The following SHANK2 variants were observed in gnomAD, a reference collection of about 807,000 sequenced individuals.
SHANK2 encodes SH3 and multiple ankyrin repeat domains 2.
In SHANK2, 43 loss-of-function variants were observed where a neutral mutation model predicts 133.7. The ratio of observed to expected loss-of-function variants is 0.32; its 90% confidence interval spans 0.25 to 0.41. The LOEUF is 0.41. SHANK2 is among the 10% of genes least tolerant of loss of function. The pLI is 1.00. For synonymous variants in SHANK2, 1,017 were observed against 952.8 expected, an observed-to-expected ratio of 1.07 and a Z score of -1.24; for missense variants, 1,994 against 2,235.8, an observed-to-expected ratio of 0.89 and a Z score of 2.18.
At chr11:70,563,080 A>G (rs1330103330) in intron 17 of SHANK2, among the ~76,000 whole-genome samples, 1 of 152,160 alleles carries the variant, frequency 6.6e-6, no homozygotes, top group African/African-American at 2.4e-5. Flanking sequence ...CATGTTGGCC[A>G]GCATGGTCTC....
chr11:71,161,974 G>A (rs1565487594), intron 2 of SHANK2, among the ~76,000 whole-genome samples: 1 of 152,202 alleles, frequency 6.6e-6, no homozygotes, highest in Non-Finnish European at 1.5e-5. Flanking sequence ...AAATCTGGTA[G>A]ACAGTGTGGA....
Position 70,807,430 on chromosome 11 carries a change from C to A in SHANK2, c.1494-259G>T, listed in dbSNP as rs1298706447. 6.6e-6 allele frequency among the ~76,000 whole-genome samples: 1 copy of A among 152,214 alleles called. No individual in the cohort carries two copies. Among genetic ancestry groups the A allele is most frequent in the African/African-American group, 2.4e-5 (1 of 41,466 alleles). On this transcript the variant is annotated intron_variant, in intron 12 of 25. Coordinates refer to ENST00000601538, the MANE Select transcript of SHANK2 (RefSeq NM_012309.5). This position sits in a 1 kb window ranked among gnomAD's most constrained non-coding sequence, Gnocchi z 4.8. ...ACTCGGGGAGACGTCTGCACACCTG[C>A]GTTCACAGTGGCACCGTTCACAGCA...
chr11:70,620,401 A>G (rs2136448392), intron 17 of SHANK2, among the ~76,000 whole-genome samples: 1 of 152,314 alleles, frequency 6.6e-6, no homozygotes, highest in South Asian at 2.1e-4. Context: ...GTGGCTGTCC[A>G]TGAAGTACTT....
chr11:70,746,707 C>A (rs782340810), intron 14 of SHANK2, among the ~76,000 whole-genome samples: 1 of 152,154 alleles, frequency 6.6e-6, no homozygotes, highest in Non-Finnish European at 1.5e-5. Flanking sequence ...TCTTGTTGCT[C>A]CCCTTTGGTC....
At chr11:70,712,979 G>A (rs1555026506) in intron 14 of SHANK2, among the ~76,000 whole-genome samples, 1 of 152,232 alleles carries the variant, frequency 6.6e-6, no homozygotes, top group Non-Finnish European at 1.5e-5. Context: ...CTCTTTGCTC[G>A]ATGCTGGGAA....
chr11:70,569,743 A>G lies in SHANK2; in HGVS notation c.2062-66812T>C, dbSNP rs2060020137. Among the ~76,000 whole-genome samples, 1 of 151,912 alleles carries G rather than the reference A, an allele frequency of 6.6e-6. No individual in the cohort carries two copies. Among genetic ancestry groups the G allele is most frequent in the Non-Finnish European group, 1.5e-5 (1 of 67,990 alleles). ...AATCCTGCCTGGGTTTTTCCTCTACATCTACTGGGGAAGATGCTCTCCTGT... is the reference window on the plus strand; with the variant it reads ...AATCCTGCCTGGGTTTTTCCTCTACGTCTACTGGGGAAGATGCTCTCCTGT... On this transcript the variant is annotated intron_variant, in intron 17 of 25. Coordinates refer to ENST00000601538, the MANE Select transcript of SHANK2 (RefSeq NM_012309.5). The surrounding 1 kb of genome is among the most constrained non-coding windows in gnomAD (Gnocchi z 5.1).
intron 11 of SHANK2, among the ~76,000 whole-genome samples, chr11:70,860,892 T>C (rs1174972223): frequency 6.6e-6 from 1 of 152,058 alleles, no homozygotes; most frequent in African/African-American, 2.4e-5. Flanking sequence ...TAAAAGAAAA[T>C]GTGTATGTGA....
At chr11:70,919,966 A>G (rs1291992239) in intron 10 of SHANK2, among the ~76,000 whole-genome samples, 3 of 152,214 alleles carry the variant, frequency 2.0e-5, no homozygotes, top group Admixed American at 6.5e-5. Flanking sequence ...CCAAAGCTGC[A>G]GAGACATAGC....
At chr11:71,109,412 G>A (rs1951854766) in intron 6 of SHANK2, among the ~76,000 whole-genome samples, 5 of 152,192 alleles carry the variant, frequency 3.3e-5, no homozygotes, top group Admixed American at 3.3e-4. Context: ...ACATAGGATG[G>A]CCGCGCTGCA....
At position 70,938,717 on chromosome 11, in the gene SHANK2, T is replaced by C. The variant is rs529935008; in HGVS notation, c.1108-42150A>G. On this transcript the variant is annotated intron_variant, in intron 10 of 25. Transcript: ENST00000601538. ...GACAGGGAGAGGGAAGCCCAGGAGCTGAGGAGGAGGAGGAGAGTTCCAGGC... is the reference window on the plus strand; with the variant it reads ...GACAGGGAGAGGGAAGCCCAGGAGCCGAGGAGGAGGAGGAGAGTTCCAGGC... 1.1e-4 allele frequency among the ~76,000 whole-genome samples: 16 copies of C among 151,792 alleles called. 1 individual carries two copies. The highest frequency in any genetic ancestry group is 1.0e-3 in the Admixed American group (16 of 15,254).
In SHANK2 at chr11:70,701,580, T is replaced by C. The variant is rs528182842; in HGVS notation, c.1778-2817A>G. ...CACGCCCAGCTAATTTTTATATTTTTTTTTTCGTAGAGACGGGGTTTCACC... is the reference window on the plus strand; with the variant it reads ...CACGCCCAGCTAATTTTTATATTTTCTTTTTCGTAGAGACGGGGTTTCACC... On this transcript the variant is annotated intron_variant, in intron 14 of 25. Coordinates refer to ENST00000601538, the MANE Select transcript of SHANK2 (RefSeq NM_012309.5). Among the ~76,000 whole-genome samples the C allele has an allele frequency of 2.2e-4, 33 of 152,112 alleles. No individual in the cohort carries two copies. The East Asian group carries it at 5.6e-3, about 26-fold the overall frequency.
intron 14 of SHANK2, among the ~76,000 whole-genome samples, chr11:70,740,101 CTCCG>C (rs1946489927): frequency 6.6e-6 from 1 of 150,554 alleles, no homozygotes; most frequent in Non-Finnish European, 1.5e-5. Flanking sequence ...GTGCTCATGG[CTCCG>C]TCCACAGCAC....
At chr11:71,151,613 G>A in intron 2 of SHANK2, among the ~76,000 whole-genome samples, 1 of 151,986 alleles carries the variant, frequency 6.6e-6, no homozygotes, top group East Asian at 1.9e-4. Flanking sequence ...CAGAGCTCAT[G>A]TCACTCATTA....
intron 2 of SHANK2, among the ~76,000 whole-genome samples, chr11:71,222,053 C>T (rs1954552092): frequency 6.6e-6 from 1 of 152,078 alleles, no homozygotes; most frequent in East Asian, 1.9e-4. Flanking sequence ...GATTCTGGCT[C>T]ACCCTTCCCT....
intron 14 of SHANK2, among the ~76,000 whole-genome samples, chr11:70,750,853 A>C (rs1555037330): frequency 6.6e-6 from 1 of 152,228 alleles, no homozygotes; most frequent in Non-Finnish European, 1.5e-5. Flanking sequence ...GAAACCATGC[A>C]TAAAAGTTCT....
chr11:70,592,751 T>G (rs1020796611), intron 17 of SHANK2, among the ~76,000 whole-genome samples: 6 of 152,108 alleles, frequency 3.9e-5, no homozygotes, highest in Non-Finnish European at 8.8e-5. Context: ...CGTCTGCCCT[T>G]TTGCTATGGC....
At chr11:70,781,042 T>C (rs957337294) in intron 14 of SHANK2, among the ~76,000 whole-genome samples, 1 of 152,202 alleles carries the variant, frequency 6.6e-6, no homozygotes, top group East Asian at 1.9e-4. Flanking sequence ...CTTCTCTGGA[T>C]GGTGTTTGTG....
At chr11:71,219,000 G>A (rs1484668977) in intron 2 of SHANK2, among the ~76,000 whole-genome samples, 5 of 152,160 alleles carry the variant, frequency 3.3e-5, no homozygotes, top group South Asian at 2.1e-4. Context: ...CACAGACATC[G>A]CAGAAGAATG....
chr11:70,684,525 G>T (rs1167807696), intron 15 of SHANK2, among the ~76,000 whole-genome samples: 1 of 152,092 alleles, frequency 6.6e-6, no homozygotes, highest in Non-Finnish European at 1.5e-5. Flanking sequence ...GCACCACTGT[G>T]CTCCAGCCTG....
Sources: allele counts gnomAD v4.1 joint callset (sites outside exome capture counted in the v4.1 genomes callset), GRCh38; gene constraint gnomAD v4.1.1; non-coding constraint Gnocchi (gnomAD v3.1); transcripts MANE v1.5; gene names NCBI Gene and HGNC (gene_info 2026-07-23, HGNC 2026-07-21).